SLA: variants seen among roughly 807,000 people sequenced by gnomAD.
The protein encoded by SLA is src-like-adapter.
Under a neutral mutation model 30.3 loss-of-function variants are expected in SLA, and 16 were observed. The observed-to-expected ratio is 0.53, with a 90% CI of 0.36 to 0.80. The LOEUF is 0.80. SLA is among the 30% of genes least tolerant of loss of function. The pLI is 0.01. For synonymous variants in SLA, 143 were observed against 137.8 expected (o/e 1.04, Z -0.26); for missense variants, 310 against 345.2 (o/e 0.90, Z 0.81).
chr8:133,087,331 C>T (rs887592052), intron 1 of SLA, among the ~76,000 whole-genome samples: 2 of 152,118 alleles, frequency 1.3e-5, no homozygotes, highest in Non-Finnish European at 2.9e-5. Flanking sequence ...TATATGACAG[C>T]CTTTTTCTAG....
At chr8:133,055,415 A>G (rs1233553045) in intron 3 of SLA, among the ~76,000 whole-genome samples, 4 of 151,796 alleles carry the variant, frequency 2.6e-5, no homozygotes, top group Admixed American at 2.0e-4. Flanking sequence ...ACAGGATTAT[A>G]CATGCAACTA....
intron 1 of SLA, among the ~76,000 whole-genome samples, chr8:133,082,075 G>A (rs542660332): frequency 6.6e-6 from 1 of 152,312 alleles, no homozygotes; most frequent in Admixed American, 6.5e-5. Flanking sequence ...TCTGTTTAAG[G>A]ACACAGACAA....
intron 1 of SLA, among the ~76,000 whole-genome samples, chr8:133,078,009 G>A (rs1011745038): frequency 2.0e-5 from 3 of 152,178 alleles, no homozygotes; most frequent in South Asian, 2.1e-4. Context: ...TTCTTTCTTG[G>A]GTTGTAAAGT....
At chr8:133,086,003 A>G (rs2131570932) in intron 1 of SLA, among the ~76,000 whole-genome samples, 1 of 152,374 alleles carries the variant, frequency 6.6e-6, no homozygotes, top group East Asian at 1.9e-4. Context: ...GGTAAGCAAA[A>G]TATGGTTTCT....
intron 6 of SLA, among the ~76,000 whole-genome samples, chr8:133,046,200 G>A (rs1839361916): frequency 6.6e-6 from 1 of 152,242 alleles, no homozygotes; most frequent in Non-Finnish European, 1.5e-5. Flanking sequence ...ACACCCAAGA[G>A]ACAGAGGAGA....
intron 1 of SLA, among the ~76,000 whole-genome samples, chr8:133,090,539 A>G (rs1407891362): frequency 2.6e-5 from 4 of 152,244 alleles, no homozygotes; most frequent in African/African-American, 9.6e-5. Flanking sequence ...AGACAGCGCA[A>G]GGGACTTGCT....
At chr8:133,095,703 G>A (rs1449895671) in intron 1 of SLA, among the ~76,000 whole-genome samples, 1 of 152,178 alleles carries the variant, frequency 6.6e-6, no homozygotes, top group Non-Finnish European at 1.5e-5. Flanking sequence ...CCAAATCTCT[G>A]GCTGGCCTTC....
At chr8:133,092,653 C>T (rs1847749049) in intron 1 of SLA, among the ~76,000 whole-genome samples, 1 of 152,218 alleles carries the variant, frequency 6.6e-6, no homozygotes, top group Admixed American at 6.5e-5. Context: ...CTTGCCCAAG[C>T]CCACTTCATC....
At chr8:133,058,229 G>T (rs766308862) in intron 3 of SLA, among the ~76,000 whole-genome samples, 1 of 152,268 alleles carries the variant, frequency 6.6e-6, no homozygotes, top group Admixed American at 6.5e-5. Context: ...ACCAATGATC[G>T]GGGGAACGTT....
At chr8:133,094,487 ACC>A in intron 1 of SLA, 1 of 179,592 alleles carries the variant, frequency 5.6e-6, no homozygotes, top group Admixed American at 5.3e-5. Context: ...TGATCCGCCC[ACC>A]TCAGCCTCCC....
rs1242177969 is a variant in SLA, at chr8:133,068,410, T to A, written c.-41+6443A>T. 2.0e-5 allele frequency among the ~76,000 whole-genome samples: 3 copies of A among 152,206 alleles called. No homozygotes were observed. The East Asian group carries it at 5.8e-4, about 29-fold the overall frequency. The stretch of plus-strand genomic sequence containing the variant: ...CCAGAAGGGGATGGAGGTGTCCTAG[T>A]GTACATTTTAAGGTCATTTTAAGAT... On this transcript the variant is annotated intron_variant, in intron 2 of 8. Coordinates refer to ENST00000338087, the MANE Select transcript of SLA (RefSeq NM_001045556.3).
At chr8:133,060,345 G>C in intron 2 of SLA, 145 bp from the exon 3 acceptor site, 1 of 1,545,898 alleles carries the variant, frequency 6.5e-7, no homozygotes, top group South Asian at 1.2e-5. Context: ...AGATGAGATT[G>C]GTGAAGATTG....
chr8:133,051,703 A>G (rs920735483), intron 3 of SLA, among the ~76,000 whole-genome samples: 1 of 152,194 alleles, frequency 6.6e-6, no homozygotes, highest in Non-Finnish European at 1.5e-5. Flanking sequence ...ACACTGAGCG[A>G]TACGTCTGCT....
At chr8:133,095,774 T>C (rs2131640094) in intron 1 of SLA, among the ~76,000 whole-genome samples, 1 of 152,340 alleles carries the variant, frequency 6.6e-6, no homozygotes, top group Admixed American at 6.5e-5. Context: ...CCTGATCGCC[T>C]TAGCAATGAG....
Position 133,062,638 on chromosome 8 carries a change from G to A in SLA, c.-40-2438C>T, listed in dbSNP as rs574113043. 2.3e-4 allele frequency among the ~76,000 whole-genome samples: 35 copies of A among 152,052 alleles called. 1 individual carries two copies. The South Asian group carries it at 5.8e-3, about 25-fold the overall frequency. ...ACAGGCGCTGTCCTGCACAGGCCTC[G>A]GGAAGCATGCGTGTGACATGCAGAG... On this transcript the variant is annotated intron_variant, in intron 2 of 8. Coordinates refer to ENST00000338087, the MANE Select transcript of SLA (RefSeq NM_001045556.3).
At chr8:133,041,323 A>G (rs1416265508) in intron 7 of SLA, among the ~76,000 whole-genome samples, 3 of 152,238 alleles carry the variant, frequency 2.0e-5, no homozygotes, top group African/African-American at 4.8e-5. Flanking sequence ...AACAAAAGGA[A>G]TTTGTAGCAG....
chr8:133,072,293 C>T (rs551285539), intron 2 of SLA, among the ~76,000 whole-genome samples: 2 of 152,192 alleles, frequency 1.3e-5, no homozygotes, highest in African/African-American at 4.8e-5. Context: ...ATTGCCTCCT[C>T]CCTTAGCGGT....
chr8:133,039,953 G>GCACGCACACA lies in SLA; in HGVS notation c.617+44_617+45insTGTGTGCGTG, dbSNP rs1554706051. 9 of 1,434,436 alleles carry GCACGCACACA rather than the reference G, an allele frequency of 6.3e-6. No homozygotes were observed. The African/African-American group carries it at 1.2e-4, about 19-fold the overall frequency. The allele number at this position is 1,434,436 out of a possible 1,614,324, so 88.9% of individuals were successfully genotyped here. On this transcript the variant is annotated intron_variant, in intron 8 of 8. Transcript: ENST00000338087. Reference sequence around the variant, plus strand: ...TCACATGTTCACAGAGCACTTGCATGCACACACACACACACACACACACAC... The same window carrying GCACGCACACA: ...TCACATGTTCACAGAGCACTTGCATGCACGCACACACACACACACACACACACACACACAC...
chr8:133,060,103 C>T lies in SLA; in HGVS notation c.58G>A (p.Glu20Lys), dbSNP rs754234188. ...APAERPLPNPEGLDSDFLAVL... is the reference protein window; with the variant it reads ...APAERPLPNPKGLDSDFLAVL... Reference sequence around the variant, plus strand: ...TCACCAGAGAAGCCAGACTTACCCTCCGGGTTGGGCAGGGGCCTCTCGGCA... The same window carrying T: ...TCACCAGAGAAGCCAGACTTACCCTTCGGGTTGGGCAGGGGCCTCTCGGCA... Residue 20 changes from glutamate (E) to lysine (K), a missense_variant, in exon 3 of 9, where the codon GAG (glutamate) becomes AAG (lysine). Physicochemically the swap from Glu to Lys is moderately conservative, Grantham distance 56. Transcript: ENST00000338087. The T allele has an allele frequency of 1.9e-6, 3 of 1,595,408 alleles. No homozygotes were observed. The highest frequency in any genetic ancestry group is 1.4e-5 in the African/African-American group (1 of 73,480).
Sources: allele counts gnomAD v4.1 joint callset (sites outside exome capture counted in the v4.1 genomes callset), GRCh38; gene constraint gnomAD v4.1.1; transcripts MANE v1.5; gene names NCBI Gene and HGNC (gene_info 2026-07-23, HGNC 2026-07-21).